The following INPP5E variants were observed in gnomAD, a reference collection of about 807,000 sequenced individuals.
INPP5E encodes inositol polyphosphate-5-phosphatase E.
Under a neutral mutation model 50.5 loss-of-function variants are expected in INPP5E, and 34 were observed. The observed-to-expected ratio is 0.67, with a 90% CI of 0.51 to 0.90. The LOEUF is 0.90. Among genes scored for constraint, INPP5E ranks in the 40% least tolerant of loss-of-function variants. The probability of loss-of-function intolerance (pLI) is 0.00; values close to 1 mark genes in which losing one functional copy is unlikely to be tolerated. For missense variants in INPP5E, 942 were observed against 905.5 expected (o/e 1.04, Z -0.52); for synonymous variants, 447 against 406.0 (o/e 1.10, Z -1.21).
rs1163933917 is a variant in INPP5E, at chr9:136,429,608, C to T, written c.*67G>A. 1 of 1,596,960 alleles carries T rather than the reference C, an allele frequency of 6.3e-7. No homozygotes were observed. The highest frequency in any genetic ancestry group is 1.3e-5 in the African/African-American group (1 of 74,812). On this transcript the variant is annotated 3_prime_UTR_variant, in exon 10 of 10. Transcript: ENST00000371712. ...CCCGAAAGGCGGCAAACTCTTTGTC[C>T]TTCCCAGTGGGTTTTGATCAATACA... is the stretch of plus-strand genomic sequence containing the variant.
chr9:136,430,524 G>A, intron 8 of INPP5E, 111 bp from the exon 9 acceptor site: 2 of 1,329,376 alleles, frequency 1.5e-6, no homozygotes, highest in South Asian at 1.3e-5. Context: ...AAGCCTTCTG[G>A]GACCCCTGAC....
In INPP5E at chr9:136,438,979, C is replaced by G; in HGVS notation, c.441G>C (p.Leu147=). ...AGGACGGGCTCCCTCTCTCACTGCT[C>G]AGGACCCCGCGGGACTTGGGGATTT... ...LQEIPKSRGV[L]SSERGSPSSG... The change falls in exon 1 of 10, where the codon CTG becomes CTC. Residue 147 remains leucine, a synonymous_variant. Coordinates refer to ENST00000371712, the MANE Select transcript of INPP5E (RefSeq NM_019892.6). The G allele has an allele frequency of 6.3e-7, 1 of 1,581,798 alleles. No homozygotes were observed. Among genetic ancestry groups the G allele is most frequent in the Non-Finnish European group, 8.6e-7 (1 of 1,164,504 alleles).
rs1250573322 is a variant in INPP5E, at chr9:136,438,997, G to C, written c.423C>G (p.Pro141=). The C allele has an allele frequency of 3.8e-6, 6 of 1,587,060 alleles. No individual in the cohort carries two copies. Among genetic ancestry groups the C allele is most frequent in the Admixed American group, 3.6e-5 (2 of 55,624 alleles). ...CACTGCTCAGGACCCCGCGGGACTT[G>C]GGGATTTCCTGCAAGGAGGTGCTCA... ...PCLSTSLQEI[P]KSRGVLSSER... Residue 141 remains proline, a synonymous_variant, in exon 1 of 10, where the codon CCC becomes CCG. Coordinates refer to ENST00000371712, the MANE Select transcript of INPP5E (RefSeq NM_019892.6).
In INPP5E at chr9:136,433,148, C is replaced by T. The variant is rs1371009944; in HGVS notation, c.1159+7G>A. On this transcript the variant is annotated splice_region_variant and intron_variant, in intron 4 of 9. Transcript: ENST00000371712. ...CCAGCCGCGCCCACCCCTCCAGCCG[C>T]GCCCACCTGAGCAGAACCAGATGAG... 7 of 1,549,110 alleles carry T rather than the reference C, an allele frequency of 4.5e-6. No individual in the cohort carries two copies. Among genetic ancestry groups the T allele is most frequent in the South Asian group, 2.2e-5 (2 of 89,864 alleles).
At chr9:136,435,636 C>G (rs1157011402) in intron 1 of INPP5E, 1 of 152,318 alleles carries the variant, frequency 6.6e-6, no homozygotes, top group Non-Finnish European at 1.5e-5. Flanking sequence ...ACAGCAACGT[C>G]CCTGCCCCTC....
At chr9:136,437,644 CTG>C (rs1291217817) in intron 1 of INPP5E, 1 of 152,358 alleles carries the variant, frequency 6.6e-6, no homozygotes, top group African/African-American at 2.4e-5. Flanking sequence ...GCCTCCCAGT[CTG>C]TGGTCATGAG....
In INPP5E at chr9:136,434,019, G is replaced by C. The variant is rs755041925; in HGVS notation, c.1034+18C>G. 2.5e-6 allele frequency: 4 copies of C among 1,583,416 alleles called. No homozygotes were observed. Among genetic ancestry groups the C allele is most frequent in the Non-Finnish European group, 3.4e-6 (4 of 1,162,484 alleles). ...GGCAGCCCCTGGGCAGGCACTGCAG[G>C]GCCTGCAGCCGCCCTACCTGTCAGA... On this transcript the variant is annotated intron_variant, in intron 3 of 9. Transcript: ENST00000371712.
At position 136,431,902 on chromosome 9, in the gene INPP5E, C is replaced by T. The variant is rs371375165; in HGVS notation, c.1471G>A (p.Ala491Thr). Residue 491 changes from alanine to threonine, a missense_variant, in exon 7 of 10, where the codon GCC becomes ACC. Transcript: ENST00000371712. ...ACCACCAGGCCCTGGCACAGGAGGG[C>T]GTCCACGACTGTGCGCCCGCCACTC... is the stretch of plus-strand genomic sequence containing the variant. ...RLSGGRTVVDALLCQGLVVDV... is the reference protein window; with the variant it reads ...RLSGGRTVVDTLLCQGLVVDV... The T allele has an allele frequency of 1.4e-5, 23 of 1,611,166 alleles. 1 individual carries two copies. The highest frequency in any genetic ancestry group is 1.3e-4 in the South Asian group (12 of 90,952).
rs888552799 is a variant in INPP5E at position 136,434,602 on chromosome 9, C to A, written c.936+138G>T. The A allele has an allele frequency of 3.4e-6, 4 of 1,184,254 alleles. No individual in the cohort carries two copies. The African/African-American group carries it at 4.5e-5, about 13-fold the overall frequency. 73.4% of individuals were successfully genotyped at this position (1,184,254 alleles called of 1,614,324 possible). ...TACCCACTCTCACCCTCCTGTACTGCGGTTAGCAGTGGGGTGCACCTCGGG... is the reference window on the plus strand; with the variant it reads ...TACCCACTCTCACCCTCCTGTACTGAGGTTAGCAGTGGGGTGCACCTCGGG... On this transcript the variant is annotated intron_variant, in intron 2 of 9. Coordinates refer to ENST00000371712, the MANE Select transcript of INPP5E (RefSeq NM_019892.6).
chr9:136,435,948 G>C (rs947512324), intron 1 of INPP5E: 1 of 152,248 alleles, frequency 6.6e-6, no homozygotes, highest in African/African-American at 2.4e-5. Context: ...ATACAGAAAC[G>C]CCGTGGGCTA....
intron 6 of INPP5E, 65 bp from the exon 7 acceptor site, chr9:136,432,050 A>G: frequency 6.3e-7 from 1 of 1,595,354 alleles, no homozygotes; most frequent in Non-Finnish European, 8.6e-7. Context: ...CCTTCCCCAG[A>G]ACATGGCCTG....
At position 136,429,094 on chromosome 9, in the gene INPP5E, G is replaced by A; in HGVS notation, c.*581C>T. On this transcript the variant is annotated 3_prime_UTR_variant, in exon 10 of 10. Transcript: ENST00000371712. ...ATGGCAGGCGACTTGCAGCCAAGTGGAGGGGAACCGTGCCACGTCCTGGAG... is the reference window on the plus strand; with the variant it reads ...ATGGCAGGCGACTTGCAGCCAAGTGAAGGGGAACCGTGCCACGTCCTGGAG... The A allele has an allele frequency of 1.1e-5, 2 of 178,112 alleles. No individual in the cohort carries two copies. Among genetic ancestry groups the A allele is most frequent in the South Asian group, 2.6e-4 (2 of 7,814 alleles). The allele number at this position is 178,112 out of a possible 1,614,324, so 11.0% of individuals were successfully genotyped here.
chr9:136,430,681 C>T (rs556286218), intron 8 of INPP5E, among the ~76,000 whole-genome samples: 4 of 152,310 alleles, frequency 2.6e-5, no homozygotes, highest in East Asian at 3.9e-4. Context: ...ATCCAGATAT[C>T]GGGACATGCC....
intron 3 of INPP5E, 99 bp downstream of exon 3, chr9:136,433,938 T>C (rs1835770063): frequency 2.1e-6 from 2 of 961,598 alleles, no homozygotes; most frequent in Admixed American, 4.0e-5. Flanking sequence ...GGGCAGGCAC[T>C]GCAGACCCGT....
At chr9:136,432,840 C>T (rs1342339539) in intron 5 of INPP5E, 116 bp downstream of exon 5, 24 of 1,361,218 alleles carry the variant, frequency 1.8e-5, no homozygotes, top group African/African-American at 4.3e-5. Context: ...GCCCACCCCA[C>T]GGCCCTGGGT....
At chr9:136,433,797 G>A (rs907227677) in intron 3 of INPP5E, among the ~76,000 whole-genome samples, 2 of 152,220 alleles carry the variant, frequency 1.3e-5, no homozygotes, top group African/African-American at 4.8e-5. Context: ...GAGGCTGCCC[G>A]TGCCCGGCCG....
intron 1 of INPP5E, 105 bp downstream of exon 1, chr9:136,438,503 T>C (rs563937506): frequency 9.9e-7 from 1 of 1,013,682 alleles, no homozygotes; most frequent in African/African-American, 1.6e-5. Flanking sequence ...TCTTTCCGGT[T>C]AGGCATCTTA....
At chr9:136,430,482 C>T in intron 8 of INPP5E, 69 bp from the exon 9 acceptor site, 2 of 1,533,236 alleles carry the variant, frequency 1.3e-6, no homozygotes, top group Non-Finnish European at 1.8e-6. Flanking sequence ...GCCCGCTCAC[C>T]TCCCTGCTGT....
rs746966122 is a variant in INPP5E at position 136,431,863 on chromosome 9, G to A, written c.1510C>T (p.Leu504=). The A allele has an allele frequency of 3.7e-6, 6 of 1,608,046 alleles. No homozygotes were observed. Among genetic ancestry groups the A allele is most frequent in the Non-Finnish European group, 5.1e-6 (6 of 1,178,788 alleles). ...CGGATGAGCTGGTCGTGCTGCAGCA[G>A]CGCCGGCACGTCCACCACCAGGCCC... ...CQGLVVDVPA[L]LQHDQLIREM... is the part of the protein sequence containing the mutation. The change falls in exon 7 of 10, where the codon CTG becomes TTG. Residue 504 remains leucine (L), a synonymous_variant. Coordinates refer to ENST00000371712, the MANE Select transcript of INPP5E (RefSeq NM_019892.6).
Sources: gnomAD v4.1 joint callset for allele counts (sites outside exome capture counted in the v4.1 genomes callset) on GRCh38, gnomAD v4.1.1 for gene constraint, MANE v1.5 for transcripts, NCBI Gene and HGNC (gene_info 2026-07-23, HGNC 2026-07-21) for gene names.